Variants in TMEM9 observed in about 807,000 individuals in gnomAD.
TMEM9 encodes the protein transmembrane protein 9.
A neutral mutation model predicts 22.8 loss-of-function variants in TMEM9; 13 were observed. That is an observed-to-expected ratio of 0.57 (90% CI 0.37 to 0.91). The LOEUF (loss-of-function observed/expected upper bound fraction) is 0.91, where lower values mean the gene tolerates loss of function less well. Among genes scored for constraint, TMEM9 ranks in the 40% least tolerant of loss-of-function variants. The probability of loss-of-function intolerance (pLI) is 0.01; values close to 1 mark genes in which losing one functional copy is unlikely to be tolerated. For missense variants in TMEM9, 182 were observed against 238.1 expected (o/e 0.76, Z 1.55); for synonymous variants, 88 against 93.0 (o/e 0.95, Z 0.31).
intron 1 of TMEM9, among the ~76,000 whole-genome samples, chr1:201,164,231 G>A (rs1666016954): frequency 6.6e-6 from 1 of 152,214 alleles, no homozygotes; most frequent in South Asian, 2.1e-4. Flanking sequence ...TAATGAGCGG[G>A]TGGAGGTGGA....
intron 3 of TMEM9, chr1:201,146,493 C>T (rs1664982094): frequency 1.7e-6 from 1 of 597,960 alleles, no homozygotes. Context: ...AAGGAGTCTC[C>T]AGCAGCTCTC....
At chr1:201,136,899 G>A (rs1342424528) in intron 4 of TMEM9, among the ~76,000 whole-genome samples, 1 of 152,250 alleles carries the variant, frequency 6.6e-6, no homozygotes, top group East Asian at 1.9e-4. Context: ...AATGCCCCAA[G>A]CTGGCACGGC....
chr1:201,138,281 C>T (rs1664180272), intron 4 of TMEM9, among the ~76,000 whole-genome samples: 2 of 152,330 alleles, frequency 1.3e-5, no homozygotes, highest in South Asian at 4.1e-4. Flanking sequence ...ACCACATTAC[C>T]ACAGTATCAT....
intron 1 of TMEM9, among the ~76,000 whole-genome samples, chr1:201,167,732 C>A (rs1027920186): frequency 1.3e-5 from 2 of 152,084 alleles, no homozygotes; most frequent in African/African-American, 4.8e-5. Flanking sequence ...TGGCCTAAGC[C>A]TAGGAAAAAT....
intron 2 of TMEM9, among the ~76,000 whole-genome samples, chr1:201,148,534 G>GT (rs1665175389): frequency 6.6e-6 from 1 of 152,222 alleles, no homozygotes; most frequent in Non-Finnish European, 1.5e-5. Context: ...TATACCCTGG[G>GT]CCCGTTCTCT....
rs1664656513 is a variant in TMEM9 at position 201,142,951 on chromosome 1, CGTCTCACT to C, written c.399+861_399+868del. Reference sequence around the variant, plus strand: ...CTCTGCTCAGCATGGAGGTACACCACGTCTCACTCCCACGAAGAGCCCTTCACCTGAGC... The same window carrying C: ...CTCTGCTCAGCATGGAGGTACACCACCCCACGAAGAGCCCTTCACCTGAGC... On this transcript the variant is annotated intron_variant, in intron 4 of 4. Transcript: ENST00000367330. Among the ~76,000 whole-genome samples the C allele has an allele frequency of 2.6e-5, 4 of 152,366 alleles. 1 individual carries two copies. The South Asian group carries it at 8.3e-4, about 32-fold the overall frequency.
At chr1:201,148,256 G>T (rs986583020) in intron 2 of TMEM9, among the ~76,000 whole-genome samples, 1 of 152,210 alleles carries the variant, frequency 6.6e-6, no homozygotes, top group Non-Finnish European at 1.5e-5. Context: ...TAGACCCTCA[G>T]CCACAGGTCT....
At chr1:201,159,456 G>T (rs1319572541), upstream of TMEM9, among the ~76,000 whole-genome samples, 2 of 149,020 alleles carry the variant, frequency 1.3e-5, no homozygotes, top group African/African-American at 2.5e-5. Context: ...CGCTGTTTTT[G>T]GCTGGGGTCC....
chr1:201,157,011 A>G (rs1251752452), upstream of TMEM9, among the ~76,000 whole-genome samples: 3 of 152,208 alleles, frequency 2.0e-5, no homozygotes, highest in East Asian at 1.9e-4. Flanking sequence ...TCTCCTGGCC[A>G]TGAAGATCAA....
At chr1:201,136,748 T>G (rs1195633828) in intron 4 of TMEM9, among the ~76,000 whole-genome samples, 1 of 152,190 alleles carries the variant, frequency 6.6e-6, no homozygotes, top group Admixed American at 6.5e-5. Flanking sequence ...TGGAGAGAAT[T>G]AGAGCTGAGG....
At chr1:201,166,117 C>T (rs747820337) in intron 1 of TMEM9, among the ~76,000 whole-genome samples, 1 of 152,156 alleles carries the variant, frequency 6.6e-6, no homozygotes, top group East Asian at 1.9e-4. Flanking sequence ...ATAAAATCCC[C>T]GGCAAACCTT....
intron 1 of TMEM9, among the ~76,000 whole-genome samples, chr1:201,164,454 T>C (rs547915427): frequency 5.3e-5 from 8 of 152,364 alleles, no homozygotes; most frequent in African/African-American, 1.9e-4. Flanking sequence ...TTAGTCAAGA[T>C]GCTAACTTGC....
upstream of TMEM9, among the ~76,000 whole-genome samples, chr1:201,156,042 G>A (rs751018592): frequency 5.9e-5 from 9 of 152,098 alleles, no homozygotes; most frequent in Admixed American, 6.5e-5. Flanking sequence ...CCCCATATAC[G>A]TTCCATATGA....
At chr1:201,146,924 C>T (rs1665028238) in intron 2 of TMEM9, 76 bp from the exon 3 acceptor site, 1 of 1,403,924 alleles carries the variant, frequency 7.1e-7, no homozygotes, top group Non-Finnish European at 1.0e-6. Flanking sequence ...AAGCAGGTAG[C>T]CAGGGGAGCT....
At chr1:201,141,149 T>C (rs1664486138) in intron 4 of TMEM9, among the ~76,000 whole-genome samples, 1 of 152,168 alleles carries the variant, frequency 6.6e-6, no homozygotes, top group African/African-American at 2.4e-5. Context: ...TCCGACCCCT[T>C]GTCTAGTAAA....
chr1:201,165,500 G>A (rs1251130995), intron 1 of TMEM9, among the ~76,000 whole-genome samples: 3 of 151,106 alleles, frequency 2.0e-5, no homozygotes, highest in Non-Finnish European at 2.9e-5. Context: ...GCAATGGCGC[G>A]ATCTTGACTC....
intron 4 of TMEM9, among the ~76,000 whole-genome samples, chr1:201,143,338 G>A (rs1022750315): frequency 6.6e-6 from 1 of 152,206 alleles, no homozygotes; most frequent in African/African-American, 2.4e-5. Context: ...CGGCACCACT[G>A]TCTCATTCCT....
intron 4 of TMEM9, among the ~76,000 whole-genome samples, chr1:201,143,413 G>A (rs1664695253): frequency 6.6e-6 from 1 of 152,216 alleles, no homozygotes; most frequent in African/African-American, 2.4e-5. Flanking sequence ...TTGAGCAAGT[G>A]TTCAACAGAT....
chr1:201,154,246 C>T lies in TMEM9; in HGVS notation c.-323G>A, dbSNP rs1665672877. On this transcript the variant is annotated 5_prime_UTR_variant, in exon 1 of 5. Coordinates refer to ENST00000367330, the MANE Select transcript of TMEM9 (RefSeq NM_001288565.2). ...CTCTGACCCGCGCATCACGTCCCAC[C>T]GCCCTCCGCCATCTCCGCCTCTGCC... The T allele has an allele frequency of 4.0e-6, 1 of 251,138 alleles. No homozygotes were observed. The highest frequency in any genetic ancestry group is 5.1e-5 in the Admixed American group (1 of 19,672). The allele number at this position is 251,138 out of a possible 1,614,324, so 15.6% of individuals were successfully genotyped here.
Sources: allele counts gnomAD v4.1 joint callset (sites outside exome capture counted in the v4.1 genomes callset), GRCh38; gene constraint gnomAD v4.1.1; transcripts MANE v1.5; gene names NCBI Gene and HGNC (gene_info 2026-07-23, HGNC 2026-07-21).